The following FOXO3 variants were observed in gnomAD, a reference collection of about 807,000 sequenced individuals.
FOXO3 encodes forkhead box protein O3.
A neutral mutation model predicts 41.9 loss-of-function variants in FOXO3; 4 were observed. The ratio of observed to expected loss-of-function variants is 0.10; its 90% CI spans 0.05 to 0.22. The LOEUF is 0.22. Ranked by LOEUF, FOXO3 falls within the 10% of genes least tolerant of loss-of-function variation. The pLI is 1.00. For synonymous variants in FOXO3, 318 were observed against 389.3 expected, an observed-to-expected ratio of 0.82 and a Z score of 2.16; for missense variants, 534 against 906.8, an observed-to-expected ratio of 0.59 and a Z score of 5.28.
chr6:108,603,009 T>C (rs945093304), intron 1 of FOXO3, among the ~76,000 whole-genome samples: 1 of 152,142 alleles, frequency 6.6e-6, no homozygotes, highest in African/African-American at 2.4e-5. Context: ...GAGATAAAAA[T>C]CTTTGGATTG....
At chr6:108,594,844 C>T (rs1479671420) in intron 1 of FOXO3, among the ~76,000 whole-genome samples, 1 of 152,184 alleles carries the variant, frequency 6.6e-6, no homozygotes, top group African/African-American at 2.4e-5. Context: ...ATGACTCCTG[C>T]CAGTCCCTAT....
At chr6:108,635,186 A>G (rs1369242714) in intron 1 of FOXO3, among the ~76,000 whole-genome samples, 2 of 152,164 alleles carry the variant, frequency 1.3e-5, no homozygotes, top group African/African-American at 4.8e-5. Flanking sequence ...CTGTAATCCC[A>G]GTTACTTGGA....
intron 2 of FOXO3, among the ~76,000 whole-genome samples, chr6:108,667,392 T>C (rs3800226): frequency 0.087 from 13,230 of 152,272 alleles, 616 homozygotes; most frequent in East Asian, 0.15. Context: ...AAATGGTTTG[T>C]CTTCCTTTAA....
chr6:108,595,435 A>T (rs185393284), intron 1 of FOXO3, among the ~76,000 whole-genome samples: 95 of 152,332 alleles, frequency 6.2e-4, no homozygotes, highest in African/African-American at 2.1e-3. Flanking sequence ...TTGTTTTGTA[A>T]GAAATGCAAC....
chr6:108,572,893 A>C (rs1223357910), intron 1 of FOXO3, among the ~76,000 whole-genome samples: 1 of 152,080 alleles, frequency 6.6e-6, no homozygotes, highest in South Asian at 2.1e-4. Context: ...CTTGCTTGGG[A>C]TCCAAACCCA....
At position 108,683,254 on chromosome 6, in the gene FOXO3, C is replaced by T. The variant is rs1380616924; in HGVS notation, c.*3462C>T. 2.0e-5 allele frequency: 3 copies of T among 152,132 alleles called. No individual in the cohort carries two copies. Among genetic ancestry groups the T allele is most frequent in the African/African-American group, 4.8e-5 (2 of 41,394 alleles). 9.4% of individuals were successfully genotyped at this position (152,132 alleles called of 1,614,324 possible). ...GCTTCCCCACCCTGAGGAGAGGACACCATGGCTTACTACTCAGGACAAGTA... is the reference window on the plus strand; with the variant it reads ...GCTTCCCCACCCTGAGGAGAGGACATCATGGCTTACTACTCAGGACAAGTA... On this transcript the variant is annotated 3_prime_UTR_variant, in exon 3 of 3. Coordinates refer to ENST00000406360, the MANE Select transcript of FOXO3 (RefSeq NM_001455.4).
intron 1 of FOXO3, among the ~76,000 whole-genome samples, chr6:108,658,692 A>G (rs57990675): frequency 0.051 from 7,674 of 151,956 alleles, 539 homozygotes; most frequent in African/African-American, 0.16. Flanking sequence ...CCAAAGTGCT[A>G]AGATTACAGG....
chr6:108,678,301 A>G (rs1770698723), intron 2 of FOXO3, among the ~76,000 whole-genome samples: 1 of 152,116 alleles, frequency 6.6e-6, no homozygotes, highest in African/African-American at 2.4e-5. Flanking sequence ...TTTTTTCATT[A>G]CTTATTTACC....
chr6:108,618,615 C>CT (rs1176380952), intron 1 of FOXO3, among the ~76,000 whole-genome samples: 1 of 152,208 alleles, frequency 6.6e-6, no homozygotes, highest in African/African-American at 2.4e-5. Context: ...CTTCTGAGGA[C>CT]TTTACCTGAT....
chr6:108,680,927 A>G lies in FOXO3; in HGVS notation c.*1135A>G, dbSNP rs1012733424. On this transcript the variant is annotated 3_prime_UTR_variant, in exon 3 of 3. Transcript: ENST00000406360. ...ATCCTTGATTATTTTCAGCCTTGCT[A>G]TATAATCTGATCTGCTAGAAGTGTA... is the stretch of plus-strand genomic sequence containing the variant. The G allele has an allele frequency of 2.6e-5, 4 of 152,626 alleles. No homozygotes were observed. Among genetic ancestry groups the G allele is most frequent in the African/African-American group, 9.6e-5 (4 of 41,456 alleles). 9.5% of individuals were successfully genotyped at this position (152,626 alleles called of 1,614,324 possible). A position where few individuals can be genotyped will look rare whatever the true frequency, so the allele number is the denominator to read the frequency against.
At chr6:108,606,591 T>C (rs1022868085) in intron 1 of FOXO3, among the ~76,000 whole-genome samples, 1 of 150,176 alleles carries the variant, frequency 6.7e-6, no homozygotes, top group Non-Finnish European at 1.5e-5. Flanking sequence ...TGAAAAACTT[T>C]CTTCTTCTCT....
chr6:108,659,005 C>T (rs1443066651), intron 1 of FOXO3, among the ~76,000 whole-genome samples: 1 of 152,132 alleles, frequency 6.6e-6, no homozygotes, highest in Non-Finnish European at 1.5e-5. Flanking sequence ...CCACCTCAGC[C>T]TCCCCAGTAG....
intron 1 of FOXO3, among the ~76,000 whole-genome samples, chr6:108,623,599 A>T (rs923192773): frequency 2.0e-5 from 3 of 152,200 alleles, no homozygotes; most frequent in African/African-American, 7.2e-5. Flanking sequence ...TGATGTCTGT[A>T]CTATACAAAG....
Position 108,581,900 on chromosome 6 carries a change from GT to G in FOXO3, c.621+20074del, listed in dbSNP as rs565607692. On this transcript the variant is annotated intron_variant, in intron 1 of 2. Coordinates refer to ENST00000406360, the MANE Select transcript of FOXO3 (RefSeq NM_001455.4). ...ATCTGTGGCTCGCTGCCAAGACTTT[GT>G]TTAAAAAAACTTGGTTGTCTGGTAT... is the stretch of plus-strand genomic sequence containing the variant. 3.9e-3 allele frequency among the ~76,000 whole-genome samples: 592 copies of G among 152,074 alleles called. 2 individuals carry two copies. The highest frequency in any genetic ancestry group is 0.01 in the Middle Eastern group (3 of 294).
intron 1 of FOXO3, among the ~76,000 whole-genome samples, chr6:108,596,418 A>G (rs1419280447): frequency 6.6e-6 from 1 of 151,846 alleles, no homozygotes; most frequent in Non-Finnish European, 1.5e-5. Context: ...TTCAAAGTAA[A>G]AGTAGTAATG....
At chr6:108,650,796 T>G (rs1408277046) in intron 1 of FOXO3, among the ~76,000 whole-genome samples, 1 of 152,204 alleles carries the variant, frequency 6.6e-6, no homozygotes, top group East Asian at 1.9e-4. Context: ...GCCTAGTTCT[T>G]TAGTTACTGG....
At chr6:108,585,318 C>T (rs1171415064) in intron 1 of FOXO3, among the ~76,000 whole-genome samples, 1 of 152,256 alleles carries the variant, frequency 6.6e-6, no homozygotes, top group African/African-American at 2.4e-5. Context: ...GCTGGGATTA[C>T]AGGCGTGAGC....
At chr6:108,621,274 T>G (rs889795267) in intron 1 of FOXO3, among the ~76,000 whole-genome samples, 2 of 152,130 alleles carry the variant, frequency 1.3e-5, no homozygotes, top group African/African-American at 2.4e-5. Flanking sequence ...ATTCAGGCTG[T>G]AGTCATTGGG....
intron 1 of FOXO3, among the ~76,000 whole-genome samples, chr6:108,603,305 A>C (rs1309752051): frequency 2.0e-5 from 3 of 152,186 alleles, no homozygotes; most frequent in Non-Finnish European, 4.4e-5. Flanking sequence ...TGAATAAAGG[A>C]GACTAGCAGA....
Sources: gnomAD v4.1 joint callset for allele counts (sites outside exome capture counted in the v4.1 genomes callset) on GRCh38, gnomAD v4.1.1 for gene constraint, MANE v1.5 for transcripts, NCBI Gene and HGNC (gene_info 2026-07-23, HGNC 2026-07-21) for gene names.